FNTB: variants seen among roughly 807,000 people sequenced by gnomAD.
The protein encoded by FNTB is farnesyltransferase, CAAX box, subunit beta, also known as protein farnesyltransferase subunit beta.
Under a neutral mutation model 59.4 loss-of-function variants are expected in FNTB, and 27 were observed. That is an observed-to-expected ratio of 0.45 (90% CI 0.34 to 0.63). FNTB has a LOEUF of 0.63. Ranked by LOEUF, FNTB falls within the 20% of genes least tolerant of loss-of-function variation. The probability of loss-of-function intolerance (pLI) is 0.02; values close to 1 mark genes in which losing one functional copy is unlikely to be tolerated. For missense variants in FNTB, 449 were observed against 559.6 expected, an observed-to-expected ratio of 0.80 and a Z score of 1.99; for synonymous variants, 230 against 220.7, an observed-to-expected ratio of 1.04 and a Z score of -0.37.
rs1379054755 is a variant in FNTB, at chr14:65,061,349, T to C, written c.*37T>C. ...CCCGGCAGCTCTTTGCTCACCCATC[T>C]CCCCAGTCAGACAAGGTTTATACGT... On this transcript the variant is annotated 3_prime_UTR_variant, in exon 12 of 12. Transcript: ENST00000246166. The C allele has an allele frequency of 1.7e-5, 28 of 1,612,066 alleles. No individual in the cohort carries two copies. Among genetic ancestry groups the C allele is most frequent in the Non-Finnish European group, 2.3e-5 (27 of 1,179,772 alleles).
In FNTB at chr14:65,037,741, A is replaced by ATTTATTTT. The variant is rs372196330; in HGVS notation, c.693-3047_693-3046insTATTTTTT. ...TGCCCAGCCTCTTATTTATTTATTT[A>ATTTATTTT]TTATTTATTTATTTATTTATTTATT... On this transcript the variant is annotated intron_variant, in intron 7 of 11. Coordinates refer to ENST00000246166, the MANE Select transcript of FNTB (RefSeq NM_002028.4). 3.2e-3 allele frequency among the ~76,000 whole-genome samples: 424 copies of ATTTATTTT among 132,716 alleles called. 8 individuals carry two copies. Among genetic ancestry groups the ATTTATTTT allele is most frequent in the Non-Finnish European group, 4.0e-3 (254 of 63,378 alleles). 87.1% of individuals were successfully genotyped at this position (132,716 alleles called of 152,430 possible). A position where few individuals can be genotyped will look rare whatever the true frequency, so the allele number is the denominator to read the frequency against.
rs374817067 is a variant in FNTB at position 65,030,369 on chromosome 14, T to C, written c.606-2241T>C. ...GCTAAAAATGCTGGTAGGATCATAA[T>C]GCATGCAGCTTCTGCAGAGACTTCT... On this transcript the variant is annotated intron_variant, in intron 6 of 11. Coordinates refer to ENST00000246166, the MANE Select transcript of FNTB (RefSeq NM_002028.4). This position sits in a 1 kb window ranked among gnomAD's most constrained non-coding sequence, Gnocchi z 4.5. Among the ~76,000 whole-genome samples, 3 of 152,222 alleles carry C rather than the reference T, an allele frequency of 2.0e-5. No individual in the cohort carries two copies. Among genetic ancestry groups the C allele is most frequent in the Admixed American group, 6.5e-5 (1 of 15,276 alleles).
At chr14:64,995,487 CT>C (rs1888358652) in intron 1 of FNTB, among the ~76,000 whole-genome samples, 2 of 151,946 alleles carry the variant, frequency 1.3e-5, no homozygotes, top group African/African-American at 4.8e-5. Context: ...GTGAGTAATG[CT>C]TTGTGCTACA....
chr14:65,032,239 A>G lies in FNTB; in HGVS notation c.606-371A>G. The G allele has an allele frequency of 6.1e-6, 1 of 165,226 alleles. No individual in the cohort carries two copies. The highest frequency in any genetic ancestry group is 1.3e-5 in the Non-Finnish European group (1 of 76,756). 10.2% of individuals were successfully genotyped at this position (165,226 alleles called of 1,614,324 possible). A position where few individuals can be genotyped will look rare whatever the true frequency, so the allele number is the denominator to read the frequency against. On this transcript the variant is annotated intron_variant, in intron 6 of 11. Coordinates refer to ENST00000246166, the MANE Select transcript of FNTB (RefSeq NM_002028.4). The surrounding 1 kb of genome is among the most constrained non-coding windows in gnomAD (Gnocchi z 5.0). ...AACAGTACTAACATCCAAATGAATG[A>G]GCATATCAGAAGTACCTGAATGATA...
chr14:64,994,605 A>G lies in FNTB; in HGVS notation c.144+7508A>G, dbSNP rs566007766. ...TATTTTTGTATCTAAACATATGTAA[A>G]TATAGAAAAGGTAAAGTAAAAATAT... On this transcript the variant is annotated intron_variant, in intron 1 of 11. Coordinates refer to ENST00000246166, the MANE Select transcript of FNTB (RefSeq NM_002028.4). The surrounding 1 kb of genome is among the most constrained non-coding windows in gnomAD (Gnocchi z 4.2). Among the ~76,000 whole-genome samples the G allele has an allele frequency of 6.6e-6, 1 of 152,366 alleles. No homozygotes were observed. Among genetic ancestry groups the G allele is most frequent in the South Asian group, 2.1e-4 (1 of 4,834 alleles).
rs375224814 is a variant in FNTB at position 64,991,337 on chromosome 14, C to T, written c.144+4240C>T. On this transcript the variant is annotated intron_variant, in intron 1 of 11. Coordinates refer to ENST00000246166, the MANE Select transcript of FNTB (RefSeq NM_002028.4). The surrounding 1 kb of genome is among the most constrained non-coding windows in gnomAD (Gnocchi z 4.4). The stretch of plus-strand genomic sequence containing the variant: ...TGCTGTAAGGCCGAGTGCGGTGGCT[C>T]ACTCCTGTAATCCCAGCACTTTGGG... 1.7e-4 allele frequency among the ~76,000 whole-genome samples: 26 copies of T among 152,262 alleles called. No individual in the cohort carries two copies. Among genetic ancestry groups the T allele is most frequent in the African/African-American group, 6.0e-4 (25 of 41,554 alleles).
rs112187159 is a variant in FNTB at position 65,032,499 on chromosome 14, A to G, written c.606-111A>G. On this transcript the variant is annotated intron_variant, in intron 6 of 11. Coordinates refer to ENST00000246166, the MANE Select transcript of FNTB (RefSeq NM_002028.4). This position sits in a 1 kb window ranked among gnomAD's most constrained non-coding sequence, Gnocchi z 5.0. ...CTGACCGTGTGCCAAGAGTGAGGAC[A>G]GGAGGTGATTACAGCTTACTAGGCA... 5,861 of 1,118,900 alleles carry G rather than the reference A, an allele frequency of 5.2e-3. 222 individuals are homozygous for G. In the African/African-American group the frequency reaches 0.081, roughly 15 times the overall value. The allele number at this position is 1,118,900 out of a possible 1,614,324, so 69.3% of individuals were successfully genotyped here.
At chr14:65,002,395 G>A (rs535424658) in intron 1 of FNTB, among the ~76,000 whole-genome samples, 1 of 152,278 alleles carries the variant, frequency 6.6e-6, no homozygotes, top group South Asian at 2.1e-4. Context: ...GATCACCTGA[G>A]GTCAGGAGTT....
chr14:65,061,339 C>T lies in FNTB; in HGVS notation c.*27C>T. On this transcript the variant is annotated 3_prime_UTR_variant, in exon 12 of 12. Coordinates refer to ENST00000246166, the MANE Select transcript of FNTB (RefSeq NM_002028.4). ...GGACCTGGGTCCCGGCAGCTCTTTG[C>T]TCACCCATCTCCCCAGTCAGACAAG... 1 of 1,612,622 alleles carries T rather than the reference C, an allele frequency of 6.2e-7. No homozygotes were observed. The highest frequency in any genetic ancestry group is 1.3e-5 in the African/African-American group (1 of 74,992).
Position 65,061,533 on chromosome 14 carries a change from A to C in FNTB, c.*221A>C. The C allele has an allele frequency of 1.5e-6, 1 of 655,126 alleles. No homozygotes were observed. The highest frequency in any genetic ancestry group is 2.4e-6 in the Non-Finnish European group (1 of 416,684). The allele number at this position is 655,126 out of a possible 1,614,324, so 40.6% of individuals were successfully genotyped here. A position where few individuals can be genotyped will look rare whatever the true frequency, so the allele number is the denominator to read the frequency against. ...TCCACACCTGTCAAACCAAAAATCT[A>C]TCAGCCCACGTGGTGTGGTTGGTGA... On this transcript the variant is annotated 3_prime_UTR_variant, in exon 12 of 12. Transcript: ENST00000246166.
intron 9 of FNTB, among the ~76,000 whole-genome samples, chr14:65,052,161 T>TATAAGGTA (rs2062630651): frequency 1.3e-5 from 2 of 152,192 alleles, no homozygotes; most frequent in African/African-American, 4.8e-5. Flanking sequence ...ATGATACAGT[T>TATAAGGTA]ACCTTATATG....
chr14:65,027,329 A>C lies in FNTB; in HGVS notation c.375-124A>C. 6.9e-7 allele frequency: 1 copy of C among 1,448,624 alleles called. No individual in the cohort carries two copies. Among genetic ancestry groups the C allele is most frequent in the Non-Finnish European group, 9.4e-7 (1 of 1,067,570 alleles). The allele number at this position is 1,448,624 out of a possible 1,614,324, so 89.7% of individuals were successfully genotyped here. ...GAGGTTATATTCAACAAGTGGGAGG[A>C]GAGGTTCCCCTCAACTTTTGAGGGA... On this transcript the variant is annotated intron_variant, in intron 4 of 11. Coordinates refer to ENST00000246166, the MANE Select transcript of FNTB (RefSeq NM_002028.4). This position sits in a 1 kb window ranked among gnomAD's most constrained non-coding sequence, Gnocchi z 5.7.
At position 64,994,774 on chromosome 14, in the gene FNTB, A is replaced by G. The variant is rs1933845294; in HGVS notation, c.144+7677A>G. Among the ~76,000 whole-genome samples, 1 of 152,186 alleles carries G rather than the reference A, an allele frequency of 6.6e-6. No homozygotes were observed. The highest frequency in any genetic ancestry group is 1.5e-5 in the Non-Finnish European group (1 of 68,034). On this transcript the variant is annotated intron_variant, in intron 1 of 11. Coordinates refer to ENST00000246166, the MANE Select transcript of FNTB (RefSeq NM_002028.4). The surrounding 1 kb of genome is among the most constrained non-coding windows in gnomAD (Gnocchi z 4.2). ...AGGATATGAGTGTACACTACTGTAG[A>G]CTTTATAAACACTGTACACTTGTTA... is the stretch of plus-strand genomic sequence containing the variant.
chr14:65,004,658 C>T (rs567201594), intron 2 of FNTB, among the ~76,000 whole-genome samples: 1 of 151,774 alleles, frequency 6.6e-6, no homozygotes, highest in Admixed American at 6.6e-5. Context: ...TTTTCTTTTT[C>T]TTTCTTTTTC....
chr14:65,042,641 A>G (rs2062377838), intron 8 of FNTB, among the ~76,000 whole-genome samples: 2 of 151,894 alleles, frequency 1.3e-5, no homozygotes, highest in Admixed American at 6.6e-5. Flanking sequence ...AATCCAGACT[A>G]CTCCCTTCCA....
At chr14:65,057,771 A>G (rs1022695814) in intron 11 of FNTB, among the ~76,000 whole-genome samples, 1 of 152,112 alleles carries the variant, frequency 6.6e-6, no homozygotes, top group African/African-American at 2.4e-5. Flanking sequence ...TTTTTTCCAT[A>G]TGGATAACCA....
chr14:65,043,823 C>T lies in FNTB; in HGVS notation c.823-488C>T, dbSNP rs868172560. On this transcript the variant is annotated intron_variant, in intron 8 of 11. Transcript: ENST00000246166. ...CGGCCTGGGCGACAGAGCGAGACTCCGTCTCAAAAAAAAAAAAAAAAAAAA... is the reference window on the plus strand; with the variant it reads ...CGGCCTGGGCGACAGAGCGAGACTCTGTCTCAAAAAAAAAAAAAAAAAAAA... Among the ~76,000 whole-genome samples, 28 of 91,866 alleles carry T rather than the reference C, an allele frequency of 3.0e-4. No homozygotes were observed. The South Asian group carries it at 5.9e-3, about 19-fold the overall frequency. The allele number at this position is 91,866 out of a possible 152,430, so 60.3% of individuals were successfully genotyped here.
At position 65,007,789 on chromosome 14, in the gene FNTB, T is replaced by G. The variant is rs1041362337; in HGVS notation, c.209+3476T>G. ...ATCACCTTGGCTTTAATAAGAAACC[T>G]GAAATGCATAAACTACACAGATACC... On this transcript the variant is annotated intron_variant, in intron 2 of 11. Coordinates refer to ENST00000246166, the MANE Select transcript of FNTB (RefSeq NM_002028.4). The surrounding 1 kb of genome is among the most constrained non-coding windows in gnomAD (Gnocchi z 4.9). 3.9e-5 allele frequency among the ~76,000 whole-genome samples: 6 copies of G among 152,370 alleles called. No individual in the cohort carries two copies. Among genetic ancestry groups the G allele is most frequent in the Admixed American group, 2.6e-4 (4 of 15,302 alleles).
At chr14:65,058,888 G>A (rs1450504563) in intron 11 of FNTB, among the ~76,000 whole-genome samples, 1 of 151,964 alleles carries the variant, frequency 6.6e-6, no homozygotes, top group East Asian at 1.9e-4. Flanking sequence ...CTTTTATTTA[G>A]GATTTTTTTG....
Sources: gnomAD v4.1 joint callset for allele counts (sites outside exome capture counted in the v4.1 genomes callset) on GRCh38, gnomAD v4.1.1 for gene constraint, Gnocchi (gnomAD v3.1) non-coding constraint, MANE v1.5 for transcripts, NCBI Gene and HGNC (gene_info 2026-07-23, HGNC 2026-07-21) for gene names.